The following NCAM1 variants were observed in gnomAD, a reference collection of about 807,000 sequenced individuals.
NCAM1 encodes neural cell adhesion molecule 1, also known as antigen recognized by monoclonal antibody 5.1H11.
Under a neutral mutation model 109.8 loss-of-function variants are expected in NCAM1, and 14 were observed. That is an observed-to-expected ratio of 0.13 (90% CI 0.08 to 0.20). NCAM1 has a LOEUF of 0.20. NCAM1 is among the 10% of genes least tolerant of loss of function. The pLI, the probability that NCAM1 is intolerant of heterozygous loss-of-function variation, is 1.00. For missense variants in NCAM1, 774 were observed against 1,109.9 expected (o/e 0.70, Z 4.30); for synonymous variants, 418 against 442.9 (o/e 0.94, Z 0.70).
intron 1 of NCAM1, among the ~76,000 whole-genome samples, chr11:113,086,235 A>G (rs1370489161): frequency 1.3e-5 from 2 of 152,220 alleles, no homozygotes; most frequent in Non-Finnish European, 2.9e-5. Context: ...AAGAAGGTGC[A>G]GGCTATGCAG....
intron 1 of NCAM1, among the ~76,000 whole-genome samples, chr11:113,071,580 G>T (rs926788733): frequency 9.2e-5 from 14 of 152,020 alleles, no homozygotes; most frequent in African/African-American, 3.4e-4. Context: ...CGCCTGCCAT[G>T]GCACCCGGCT....
chr11:113,047,714 GC>G (rs1393546786), intron 1 of NCAM1, among the ~76,000 whole-genome samples: 2 of 152,168 alleles, frequency 1.3e-5, no homozygotes, highest in African/African-American at 4.8e-5. Context: ...GCCTCAGGAA[GC>G]TTACTATCAT....
At chr11:113,108,801 A>C (rs1555093049) in intron 1 of NCAM1, among the ~76,000 whole-genome samples, 2 of 146,602 alleles carry the variant, frequency 1.4e-5, no homozygotes, top group African/African-American at 5.0e-5. Flanking sequence ...TTTGAGACAG[A>C]GTCTCACCCT....
At chr11:113,222,275 A>T (rs139803130) in intron 9 of NCAM1, among the ~76,000 whole-genome samples, 89 of 152,310 alleles carry the variant, frequency 5.8e-4, no homozygotes, top group African/African-American at 2.1e-3. Flanking sequence ...TAATTTGGTA[A>T]ATCTATCCCT....
intron 1 of NCAM1, among the ~76,000 whole-genome samples, chr11:113,160,366 A>G (rs1942561504): frequency 6.6e-6 from 1 of 152,162 alleles, no homozygotes; most frequent in Non-Finnish European, 1.5e-5. Flanking sequence ...CCCAGTTTCC[A>G]TGGGACTGTT....
chr11:113,190,802 T>TTG (rs2136710258), intron 1 of NCAM1, among the ~76,000 whole-genome samples: 1 of 152,194 alleles, frequency 6.6e-6, no homozygotes, highest in African/African-American at 2.4e-5. Flanking sequence ...GTGACAGTGG[T>TTG]TGTGGGGGTG....
In NCAM1 at chr11:113,260,340, T is replaced by C. The variant is rs1321846138; in HGVS notation, c.2131+17T>C. Reference sequence around the variant, plus strand: ...CCATCCCAGGTATGGCTGCCTCTGCTTTCTGTTTGTTTCCGCTTTGAATTA... The same window carrying C: ...CCATCCCAGGTATGGCTGCCTCTGCCTTCTGTTTGTTTCCGCTTTGAATTA... On this transcript the variant is annotated intron_variant, in intron 17 of 19. Transcript: ENST00000316851. The C allele has an allele frequency of 6.2e-7, 1 of 1,606,580 alleles. No individual in the cohort carries two copies. Among genetic ancestry groups the C allele is most frequent in the Non-Finnish European group, 8.5e-7 (1 of 1,177,162 alleles).
intron 1 of NCAM1, among the ~76,000 whole-genome samples, chr11:113,107,075 G>A (rs1402448609): frequency 1.3e-5 from 2 of 152,206 alleles, no homozygotes; most frequent in Admixed American, 1.3e-4. Context: ...ATTAAGAATA[G>A]GATTACATCT....
intron 1 of NCAM1, among the ~76,000 whole-genome samples, chr11:113,001,804 A>T (rs1466906220): frequency 4.7e-5 from 7 of 148,736 alleles, no homozygotes; most frequent in Non-Finnish European, 1.0e-4. Context: ...TCATTTAGAT[A>T]AAAAAAAAAC....
chr11:113,262,943 T>C (rs782354357), intron 17 of NCAM1: 1 of 1,610,436 alleles, frequency 6.2e-7, no homozygotes, highest in South Asian at 1.1e-5. Flanking sequence ...AACACAAAAA[T>C]TAAATTTGCT....
At chr11:113,201,210 G>A (rs1197642023) in intron 1 of NCAM1, among the ~76,000 whole-genome samples, 2 of 152,112 alleles carry the variant, frequency 1.3e-5, no homozygotes, top group Non-Finnish European at 2.9e-5. Context: ...CCCTGCAGTC[G>A]GCTGAGGACA....
intron 1 of NCAM1, among the ~76,000 whole-genome samples, chr11:113,184,417 C>G (rs1943430851): frequency 6.6e-6 from 1 of 152,158 alleles, no homozygotes; most frequent in East Asian, 1.9e-4. Context: ...TCAAAGTCTG[C>G]CATTTAGTGC....
rs1946333370 is a variant in NCAM1 at position 113,273,457 on chromosome 11, G to A, written c.2456+1581G>A. 6.0e-6 allele frequency: 2 copies of A among 334,858 alleles called. No individual in the cohort carries two copies. Among genetic ancestry groups the A allele is most frequent in the South Asian group, 4.5e-5 (2 of 44,810 alleles). 20.7% of individuals were successfully genotyped at this position (334,858 alleles called of 1,614,324 possible). On this transcript the variant is annotated intron_variant, in intron 19 of 19. Transcript: ENST00000316851. This position sits in a 1 kb window ranked among gnomAD's most constrained non-coding sequence, Gnocchi z 6.0. ...AAGCAGGAGGCTCCCAGCACCAAAG[G>A]CCCGGACCCGGAGCCCACCCAGCCC...
chr11:113,056,533 A>G (rs1403046565), intron 1 of NCAM1, among the ~76,000 whole-genome samples: 2 of 152,158 alleles, frequency 1.3e-5, no homozygotes, highest in East Asian at 3.9e-4. Context: ...ATTTTAAAAG[A>G]CTGTCATGTT....
chr11:113,036,868 G>A (rs1314125308), intron 1 of NCAM1, among the ~76,000 whole-genome samples: 2 of 152,080 alleles, frequency 1.3e-5, no homozygotes, highest in African/African-American at 4.8e-5. Flanking sequence ...TCTGGTGCCT[G>A]GGCTTCTTGA....
At chr11:113,092,277 T>C (rs11214484) in intron 1 of NCAM1, among the ~76,000 whole-genome samples, 13,740 of 152,154 alleles carry the variant, frequency 0.09, 1,024 homozygotes, top group Admixed American at 0.18. Context: ...CAAATTGAGG[T>C]ATAGAGAAAG....
intron 1 of NCAM1, among the ~76,000 whole-genome samples, chr11:113,120,596 C>T (rs1940914649): frequency 6.6e-6 from 1 of 152,086 alleles, no homozygotes; most frequent in Non-Finnish European, 1.5e-5. Flanking sequence ...TAAGGCTTGG[C>T]TTGGATGGAA....
intron 14 of NCAM1, chr11:113,236,353 G>T (rs782096553): frequency 6.2e-7 from 1 of 1,604,540 alleles, no homozygotes; most frequent in Non-Finnish European, 8.5e-7. Context: ...TGTTTCCATA[G>T]CGTTAACATC....
rs528664212 is a variant in NCAM1, at chr11:113,232,294, G to A, written c.1365G>A (p.Leu455=). 8.1e-6 allele frequency: 13 copies of A among 1,613,902 alleles called. No individual in the cohort carries two copies. The South Asian group carries it at 1.1e-4, about 14-fold the overall frequency. ...CATGGTTTCGGGATGGCCAGCTGCTGCCAAGCTCCAATTACAGCAATATCA... is the reference window on the plus strand; with the variant it reads ...CATGGTTTCGGGATGGCCAGCTGCTACCAAGCTCCAATTACAGCAATATCA... ...TISWFRDGQL[L]PSSNYSNIKI... The change falls in exon 11 of 20, where the codon CTG becomes CTA. Residue 455 remains leucine (L), a synonymous_variant. Coordinates refer to ENST00000316851, the MANE Select transcript of NCAM1 (RefSeq NM_181351.5).
Sources: allele counts gnomAD v4.1 joint callset (sites outside exome capture counted in the v4.1 genomes callset), GRCh38; gene constraint gnomAD v4.1.1; non-coding constraint Gnocchi (gnomAD v3.1); transcripts MANE v1.5; gene names NCBI Gene and HGNC (gene_info 2026-07-23, HGNC 2026-07-21).